RAD50: variants seen among roughly 807,000 people sequenced by gnomAD.
The protein encoded by RAD50 is RAD50 double strand break repair protein, also known as DNA repair protein RAD50.
A neutral mutation model predicts 168.8 loss-of-function variants in RAD50; 132 were observed. That is an observed-to-expected ratio of 0.78 (90% confidence interval 0.68 to 0.90). The LOEUF (loss-of-function observed/expected upper bound fraction) is 0.90. RAD50 is among the 40% of genes least tolerant of loss of function. RAD50 has a pLI of 0.00. For missense variants in RAD50, 1,347 were observed against 1,534.4 expected (o/e 0.88, Z 2.04); for synonymous variants, 525 against 497.4 (o/e 1.06, Z -0.74).
intron 5 of RAD50, among the ~76,000 whole-genome samples, chr5:132,587,068 C>G (rs1487926349): frequency 1.3e-5 from 2 of 152,174 alleles, no homozygotes; most frequent in Non-Finnish European, 2.9e-5. Flanking sequence ...GAGCAGGCCA[C>G]TGAGCTCCCT....
At chr5:132,635,843 C>T (rs1481616051) in intron 21 of RAD50, among the ~76,000 whole-genome samples, 1 of 152,024 alleles carries the variant, frequency 6.6e-6, no homozygotes, top group African/African-American at 2.4e-5. Flanking sequence ...TGTTTTGTCT[C>T]CTTTTGAAAG....
chr5:132,600,194 C>G (rs113187236), intron 13 of RAD50: 1 of 152,034 alleles, frequency 6.6e-6, no homozygotes, highest in Non-Finnish European at 1.5e-5. Flanking sequence ...AGTTTATATC[C>G]CAGTGGGGAG....
chr5:132,608,480 G>A, intron 16 of RAD50, 135 bp from the exon 17 acceptor site: 1 of 671,328 alleles, frequency 1.5e-6, no homozygotes, highest in East Asian at 2.9e-5. Context: ...TCCTCATAGG[G>A]TCATTGAAAG....
In RAD50 at chr5:132,588,798, T is replaced by G; in HGVS notation, c.1163T>G (p.Phe388Cys). ...TTGGATGGCTTTGAGCGTGGACCAT[T>G]CAGTGAAAGACAGATTAAAAATTTT... Reference protein sequence around the residue: ...LELDGFERGPFSERQIKNFHK... With the variant: ...LELDGFERGPCSERQIKNFHK... The change falls in exon 8 of 25, where the codon TTC becomes TGC. Residue 388 changes from phenylalanine (F) to cysteine (C), a missense_variant. Coordinates refer to ENST00000378823, the MANE Select transcript of RAD50 (RefSeq NM_005732.4). The G allele has an allele frequency of 6.2e-7, 1 of 1,614,044 alleles. No individual in the cohort carries two copies. Among genetic ancestry groups the G allele is most frequent in the Non-Finnish European group, 8.5e-7 (1 of 1,179,948 alleles).
At chr5:132,570,108 C>T (rs1219577437) in intron 2 of RAD50, among the ~76,000 whole-genome samples, 2 of 152,172 alleles carry the variant, frequency 1.3e-5, no homozygotes, top group South Asian at 2.1e-4. Flanking sequence ...TAAAAACCCT[C>T]AGCATAACTG....
intron 23 of RAD50, among the ~76,000 whole-genome samples, chr5:132,639,081 G>A (rs1046820022): frequency 6.6e-6 from 1 of 152,164 alleles, no homozygotes. Context: ...ATGCAGCTGG[G>A]CATGGTGTCT....
At chr5:132,596,511 G>T (rs2706369) in intron 13 of RAD50, among the ~76,000 whole-genome samples, 10,730 of 152,200 alleles carry the variant, frequency 0.07, 1,186 homozygotes, top group African/African-American at 0.24. Context: ...TTTTCCACTT[G>T]CTAAAAGAAT....
At chr5:132,609,446 T>A in intron 19 of RAD50, 50 bp downstream of exon 19, 1 of 1,601,066 alleles carries the variant, frequency 6.2e-7, no homozygotes, top group Non-Finnish European at 8.5e-7. Flanking sequence ...CATTCTTTTC[T>A]ATAGTTTTAT....
Position 132,557,147 on chromosome 5 carries a change from C to T in RAD50, c.-178C>T, listed in dbSNP as rs1349864239. 2.1e-5 allele frequency: 18 copies of T among 852,614 alleles called. No homozygotes were observed. The highest frequency in any genetic ancestry group is 3.4e-5 in the Non-Finnish European group (18 of 533,396). 52.8% of individuals were successfully genotyped at this position (852,614 alleles called of 1,614,324 possible). A position where few individuals can be genotyped will look rare whatever the true frequency, so the allele number is the denominator to read the frequency against. On this transcript the variant is annotated 5_prime_UTR_variant, in exon 1 of 25. Transcript: ENST00000378823. ...TGGGAGGAAAGGCTCCATCCCCCGCCCCCTCTCTCCCGCTGTTGGCTGGCA... is the reference window on the plus strand; with the variant it reads ...TGGGAGGAAAGGCTCCATCCCCCGCTCCCTCTCTCCCGCTGTTGGCTGGCA...
At chr5:132,636,946 G>A (rs1185884522) in intron 21 of RAD50, among the ~76,000 whole-genome samples, 169 bp from the exon 22 acceptor site, 1 of 151,862 alleles carries the variant, frequency 6.6e-6, no homozygotes. Context: ...AAGTTTTGCT[G>A]CTGTTTATTT....
In RAD50 at chr5:132,617,169, T is replaced by C. The variant is rs191470287; in HGVS notation, c.3165-901T>C. ...CAGTTCTTTTACACGATACTCTCCATGGCAAGTTGGAAAAGTAATGCTTCT... is the reference window on the plus strand; with the variant it reads ...CAGTTCTTTTACACGATACTCTCCACGGCAAGTTGGAAAAGTAATGCTTCT... On this transcript the variant is annotated intron_variant, in intron 20 of 24. Coordinates refer to ENST00000378823, the MANE Select transcript of RAD50 (RefSeq NM_005732.4). 4.3e-3 allele frequency among the ~76,000 whole-genome samples: 656 copies of C among 152,304 alleles called. 6 individuals are homozygous for C. The highest frequency in any genetic ancestry group is 0.014 in the African/African-American group (597 of 41,568).
intron 2 of RAD50, among the ~76,000 whole-genome samples, chr5:132,560,935 C>T (rs970853836): frequency 1.3e-5 from 2 of 152,172 alleles, no homozygotes; most frequent in Non-Finnish European, 2.9e-5. Flanking sequence ...CATTGACTCC[C>T]ATTTTTCCCT....
chr5:132,603,419 G>A lies in RAD50; in HGVS notation c.2327G>A (p.Gly776Asp), dbSNP rs1174525743. The A allele has an allele frequency of 6.2e-7, 1 of 1,613,938 alleles. No individual in the cohort carries two copies. The highest frequency in any genetic ancestry group is 1.1e-5 in the South Asian group (1 of 91,082). Residue 776 changes from glycine (G) to aspartate (D), a missense_variant, in exon 14 of 25, where the codon GGT becomes GAT. By Grantham distance (94) the Gly-to-Asp change is moderately conservative. Coordinates refer to ENST00000378823, the MANE Select transcript of RAD50 (RefSeq NM_005732.4). ...ATAGAAGAACAAGAAACACTCTTGG[G>A]TACAATAATGCCTGAAGAAGAAAGT... ...NDIEEQETLL[G>D]TIMPEEESAK... is the part of the protein sequence containing the mutation.
At chr5:132,565,186 G>A (rs1183882245) in intron 2 of RAD50, among the ~76,000 whole-genome samples, 4 of 152,098 alleles carry the variant, frequency 2.6e-5, no homozygotes, top group African/African-American at 9.7e-5. Context: ...TTTGCCTTCT[G>A]CCATGATTGT....
chr5:132,558,718 C>A (rs945399898), intron 1 of RAD50, among the ~76,000 whole-genome samples: 3,389 of 76,568 alleles, frequency 0.044, no homozygotes, highest in Non-Finnish European at 0.051. Flanking sequence ...TCTCCCCCCA[C>A]AAAAAAAAAA....
chr5:132,601,379 T>C (rs978279806), intron 13 of RAD50, among the ~76,000 whole-genome samples: 3 of 152,240 alleles, frequency 2.0e-5, no homozygotes, highest in Non-Finnish European at 4.4e-5. Flanking sequence ...AGATTTTGTG[T>C]GTGTGTAGGA....
intron 13 of RAD50, among the ~76,000 whole-genome samples, chr5:132,601,605 A>G (rs1750888217): frequency 6.6e-6 from 1 of 152,162 alleles, no homozygotes; most frequent in Non-Finnish European, 1.5e-5. Context: ...ATACCTTCAT[A>G]TTTATTATGT....
intron 21 of RAD50, among the ~76,000 whole-genome samples, chr5:132,624,871 C>CAA (rs10671829): frequency 0.02 from 1,144 of 56,696 alleles, 36 homozygotes; most frequent in African/African-American, 0.051. Flanking sequence ...GACCCTGTCT[C>CAA]AAAAAAAAAA....
At chr5:132,608,028 C>T (rs1055782283) in intron 16 of RAD50, among the ~76,000 whole-genome samples, 1 of 152,158 alleles carries the variant, frequency 6.6e-6, no homozygotes, top group Non-Finnish European at 1.5e-5. Flanking sequence ...TTGAAAGCCC[C>T]GTTCCTTCCA....
Sources: allele counts gnomAD v4.1 joint callset (sites outside exome capture counted in the v4.1 genomes callset), GRCh38; gene constraint gnomAD v4.1.1; transcripts MANE v1.5; gene names NCBI Gene and HGNC (gene_info 2026-07-23, HGNC 2026-07-21).